The following OTOF variants were observed in gnomAD, a reference collection of about 807,000 sequenced individuals.
OTOF encodes the protein otoferlin, also known as fer-1-like family member 2.
In OTOF, 218 loss-of-function variants were observed where a neutral mutation model predicts 236.8. The observed-to-expected ratio is 0.92, with a 90% CI of 0.82 to 1.03. The LOEUF is 1.03. Among genes scored for constraint, OTOF ranks in the 50% least tolerant of loss-of-function variants. The pLI, the probability that OTOF is intolerant of heterozygous loss-of-function variation, is 0.00. For synonymous variants in OTOF, 1,041 were observed against 1,072.5 expected, an observed-to-expected ratio of 0.97 and a Z score of 0.57; for missense variants, 2,590 against 2,694.4, an observed-to-expected ratio of 0.96 and a Z score of 0.86.
At chr2:26,491,843 T>C (rs1469926752) in intron 9 of OTOF, among the ~76,000 whole-genome samples, 1 of 152,236 alleles carries the variant, frequency 6.6e-6, no homozygotes, top group African/African-American at 2.4e-5. Context: ...GGGAGCGAGC[T>C]AGCTGAGCTA....
chr2:26,537,164 C>G lies in OTOF; in HGVS notation c.138+552G>C, dbSNP rs1018152468. ...TCTCATGGAACCCCCAGAGCTGTTT[C>G]TGAAAATCCAGACTGTCTTCTGTTC... is the stretch of plus-strand genomic sequence containing the variant. On this transcript the variant is annotated intron_variant, in intron 2 of 46. Coordinates refer to ENST00000272371, the MANE Select transcript of OTOF (RefSeq NM_194248.3). Among the ~76,000 whole-genome samples, 2 of 152,220 alleles carry G rather than the reference C, an allele frequency of 1.3e-5. 1 individual carries two copies.
At chr2:26,493,611 C>A (rs1420745047) in intron 9 of OTOF, among the ~76,000 whole-genome samples, 1 of 152,188 alleles carries the variant, frequency 6.6e-6, no homozygotes, top group African/African-American at 2.4e-5. Flanking sequence ...TGGCATCCAA[C>A]CTGCGAATGC....
intron 3 of OTOF, among the ~76,000 whole-genome samples, chr2:26,519,966 G>T (rs1666636461): frequency 6.6e-6 from 1 of 152,170 alleles, no homozygotes; most frequent in Non-Finnish European, 1.5e-5. Flanking sequence ...TCTAGCCTCT[G>T]TTTGACATTT....
intron 9 of OTOF, 137 bp from the exon 10 acceptor site, chr2:26,489,877 C>T (rs370386698): frequency 2.5e-5 from 18 of 727,308 alleles, no homozygotes; most frequent in East Asian, 2.1e-4. Context: ...AGAGGAGCAG[C>T]AGAGGCAACT....
chr2:26,517,267 C>A (rs201087469), intron 4 of OTOF, among the ~76,000 whole-genome samples: 5,872 of 152,230 alleles, frequency 0.039, 376 homozygotes, highest in African/African-American at 0.13. Flanking sequence ...AGTTTCCCCC[C>A]CAGTGCACAG....
intron 2 of OTOF, among the ~76,000 whole-genome samples, chr2:26,531,476 C>G (rs143358922): frequency 6.6e-6 from 1 of 152,150 alleles, no homozygotes; most frequent in African/African-American, 2.4e-5. Context: ...TGACACAGCA[C>G]GGCAGAATGT....
intron 2 of OTOF, 144 bp downstream of exon 2, chr2:26,537,572 T>G: frequency 1.4e-6 from 1 of 702,988 alleles, no homozygotes; most frequent in Non-Finnish European, 2.6e-6. Context: ...ACCACCTCCT[T>G]CAGGAAGCAG....
At chr2:26,521,801 C>T (rs1313719578) in intron 3 of OTOF, among the ~76,000 whole-genome samples, 2 of 152,234 alleles carry the variant, frequency 1.3e-5, no homozygotes, top group Non-Finnish European at 2.9e-5. Context: ...CAGCAGGACC[C>T]AAGGGAGATT....
intron 5 of OTOF, among the ~76,000 whole-genome samples, chr2:26,513,886 A>C: frequency 6.6e-6 from 1 of 152,132 alleles, no homozygotes; most frequent in Non-Finnish European, 1.5e-5. Context: ...CCCAGAACCC[A>C]CACTATGTGA....
At position 26,519,041 on chromosome 2, in the gene OTOF, G is replaced by A. The variant is rs555829802; in HGVS notation, c.296C>T (p.Thr99Met). 90 of 1,610,062 alleles carry A rather than the reference G, an allele frequency of 5.6e-5. No homozygotes were observed. Among genetic ancestry groups the A allele is most frequent in the South Asian group, 4.1e-4 (37 of 90,216 alleles). The change falls in exon 4 of 47, where the codon ACG becomes ATG. Residue 99 changes from threonine (T) to methionine (M), a missense_variant. Thr to Met is a moderately conservative substitution (Grantham distance 81). Transcript: ENST00000272371. The part of the protein sequence containing the change: ...VEESHVEVTD[T>M]LIDDNNAIIK... ...GATAGCATTGTTGTCATCAATCAGC[G>A]TGTCAGTCACCTCCACATGGCTCTC...
chr2:26,472,639 G>A lies in OTOF; in HGVS notation c.3744C>T (p.Leu1248=), dbSNP rs1665047376. Reference sequence around the variant, plus strand: ...CATTGCACAGCACACGGCAGCGCCGGAGAAGCCTGACTGGACAGATGGATA... The same window carrying A: ...CATTGCACAGCACACGGCAGCGCCGAAGAAGCCTGACTGGACAGATGGATA... ...APSWNTTVRL[L]RRCRVLCNGG... The change falls in exon 30 of 47, where the codon CTC becomes CTT. Residue 1248 remains leucine (L), a synonymous_variant. Coordinates refer to ENST00000272371, the MANE Select transcript of OTOF (RefSeq NM_194248.3). 1.2e-6 allele frequency: 2 copies of A among 1,613,010 alleles called. No individual in the cohort carries two copies. Among genetic ancestry groups the A allele is most frequent in the African/African-American group, 2.7e-5 (2 of 74,934 alleles).
At chr2:26,475,273 G>C in intron 25 of OTOF, 86 bp downstream of exon 25, 14 of 1,499,882 alleles carry the variant, frequency 9.3e-6, no homozygotes, top group Non-Finnish European at 1.3e-5. Context: ...CGGAGGTGAG[G>C]GCACAGCCTC....
In OTOF at chr2:26,479,598, C is replaced by A. The variant is rs1261182286; in HGVS notation, c.1968G>T (p.Arg656=). 6.2e-7 allele frequency: 1 copy of A among 1,612,672 alleles called. No homozygotes were observed. The highest frequency in any genetic ancestry group is 1.7e-5 in the Admixed American group (1 of 60,024). ...CTTCTTCCTCATCCCCCGGCTCCTT[C>A]CGGGGCCGAGGCCGCTGGGGCCGGG... is the stretch of plus-strand genomic sequence containing the variant. ...GLSRPQRPRP[R]KEPGDEEEVD... is the part of the protein sequence containing the mutation. The change falls in exon 17 of 47, where the codon CGG becomes CGT. Residue 656 remains arginine (R), a synonymous_variant. Coordinates refer to ENST00000272371, the MANE Select transcript of OTOF (RefSeq NM_194248.3).
intron 2 of OTOF, among the ~76,000 whole-genome samples, chr2:26,534,298 A>AGGCCTCTCCCCTG (rs1667015382): frequency 6.6e-6 from 1 of 152,190 alleles, no homozygotes; most frequent in African/African-American, 2.4e-5. Context: ...TGCTCCACAC[A>AGGCCTCTCCCCTG]GGGCCTGTGT....
rs1245398457 is a variant in OTOF at position 26,466,757 on chromosome 2, C to T, written c.4457G>A (p.Ser1486Asn). The T allele has an allele frequency of 1.9e-6, 3 of 1,614,100 alleles. No homozygotes were observed. The highest frequency in any genetic ancestry group is 1.3e-5 in the African/African-American group (1 of 74,934). Residue 1486 changes from serine to asparagine, a missense_variant, in exon 36 of 47, where the codon AGC becomes AAC. Ser to Asn is a conservative substitution (Grantham distance 46). Transcript: ENST00000272371. The stretch of plus-strand genomic sequence containing the variant: ...GACCAGCACATTGATGGGGTCATTG[C>T]TCGGGATGCCCTGGAACATGCCGTA... ...STYGMFQGIP[S>N]NDPINVLVRV... is the part of the protein sequence containing the mutation.
At chr2:26,514,376 GC>G (rs1251800559) in intron 5 of OTOF, among the ~76,000 whole-genome samples, 1 of 152,268 alleles carries the variant, frequency 6.6e-6, no homozygotes, top group Admixed American at 6.5e-5. Context: ...AGGTGGGGAA[GC>G]CACCAGGCTG....
intron 12 of OTOF, among the ~76,000 whole-genome samples, chr2:26,483,871 A>G (rs1344351548): frequency 6.6e-6 from 1 of 152,238 alleles, no homozygotes. Context: ...GGTGGCTGTA[A>G]TAATACCCAC....
chr2:26,510,018 G>A (rs559645172), intron 5 of OTOF, among the ~76,000 whole-genome samples: 3 of 152,240 alleles, frequency 2.0e-5, no homozygotes, highest in East Asian at 3.9e-4. Context: ...ATGTCAGTGT[G>A]CTTCTAGGGG....
In OTOF at chr2:26,554,309, TGGA is replaced by T. The variant is rs1667534589; in HGVS notation, c.79+4181_79+4183del. On this transcript the variant is annotated intron_variant, in intron 1 of 46. Coordinates refer to ENST00000272371, the MANE Select transcript of OTOF (RefSeq NM_194248.3). ...CCTCTTCCAGTCCCTTGATCCTCCT[TGGA>T]TAGAAAGTTCTGGGGTGAGAGCTCA... Among the ~76,000 whole-genome samples the T allele has an allele frequency of 2.0e-5, 3 of 151,958 alleles. No individual in the cohort carries two copies. In the South Asian group the frequency reaches 6.2e-4, roughly 32 times the overall value.
Sources: gnomAD v4.1 joint callset for allele counts (sites outside exome capture counted in the v4.1 genomes callset) on GRCh38, gnomAD v4.1.1 for gene constraint, MANE v1.5 for transcripts, NCBI Gene and HGNC (gene_info 2026-07-23, HGNC 2026-07-21) for gene names.